Variants in PTPRD observed in about 807,000 individuals in gnomAD.
The protein encoded by PTPRD is receptor-type tyrosine-protein phosphatase delta.
In PTPRD, 34 loss-of-function variants were observed where a neutral mutation model predicts 214.5. The ratio of observed to expected loss-of-function variants is 0.16; its 90% CI spans 0.12 to 0.21. The LOEUF is 0.21. Among genes scored for constraint, PTPRD ranks in the 10% least tolerant of loss-of-function variants. PTPRD has a pLI of 1.00. For missense variants in PTPRD, 2,545 were observed against 2,398.7 expected, an observed-to-expected ratio of 1.06 and a Z score of -1.27; for synonymous variants, 1,128 against 845.7, an observed-to-expected ratio of 1.33 and a Z score of -5.79.
intron 2 of PTPRD, among the ~76,000 whole-genome samples, chr9:10,360,757 C>T (rs187571751): frequency 9.2e-5 from 14 of 152,240 alleles, no homozygotes; most frequent in Admixed American, 9.2e-4. Context: ...TCTTTGAAAA[C>T]ATTTACATTT....
Position 8,613,679 on chromosome 9 carries a change from C to T in PTPRD, c.352+19638G>A, listed in dbSNP as rs1464797880. On this transcript the variant is annotated intron_variant, in intron 14 of 45. Coordinates refer to ENST00000381196, the MANE Select transcript of PTPRD (RefSeq NM_002839.4). ...ATCATTCCAGAGTTCTTCCTGGGACCAATCCAAAAATCTGCCACTCGCTGA... is the reference window on the plus strand; with the variant it reads ...ATCATTCCAGAGTTCTTCCTGGGACTAATCCAAAAATCTGCCACTCGCTGA... Among the ~76,000 whole-genome samples the T allele has an allele frequency of 4.6e-5, 7 of 152,048 alleles. No homozygotes were observed. In the East Asian group the frequency reaches 1.4e-3, roughly 29 times the overall value.
rs1554649145 is a variant in PTPRD, at chr9:9,584,359, C to CTTATTATTATT, written c.-286-9579_-286-9578insAATAATAATAA. ...ACATTAAAACATTTTATTTCATCACCATTATTATTATTATTATTATTTGCT... is the reference window on the plus strand; with the variant it reads ...ACATTAAAACATTTTATTTCATCACCTTATTATTATTATTATTATTATTATTATTATTTGCT... On this transcript the variant is annotated intron_variant, in intron 7 of 45. Transcript: ENST00000381196. Among the ~76,000 whole-genome samples, 444 of 149,210 alleles carry CTTATTATTATT rather than the reference C, an allele frequency of 3.0e-3. 1 individual carries two copies. The highest frequency in any genetic ancestry group is 4.3e-3 in the Non-Finnish European group (292 of 67,374).
At chr9:9,375,329 T>C (rs1172963552) in intron 9 of PTPRD, among the ~76,000 whole-genome samples, 2 of 152,146 alleles carry the variant, frequency 1.3e-5, no homozygotes, top group East Asian at 1.9e-4. Flanking sequence ...CTGGGCGCAG[T>C]GGCTCATGCT....
At chr9:10,268,338 T>C (rs1257402246) in intron 3 of PTPRD, among the ~76,000 whole-genome samples, 3 of 150,640 alleles carry the variant, frequency 2.0e-5, no homozygotes, top group Non-Finnish European at 4.4e-5. Context: ...ATAATAATAG[T>C]GGTTATAACA....
intron 4 of PTPRD, among the ~76,000 whole-genome samples, chr9:10,027,962 A>G (rs2096961710): frequency 6.6e-6 from 1 of 152,094 alleles, no homozygotes; most frequent in South Asian, 2.1e-4. Context: ...AGTTTTTATT[A>G]TTCCTGTAAT....
At chr9:9,431,303 T>A (rs576399219) in intron 8 of PTPRD, among the ~76,000 whole-genome samples, 1 of 152,012 alleles carries the variant, frequency 6.6e-6, no homozygotes, top group South Asian at 2.1e-4. Context: ...ACATGAAAAA[T>A]TGCTCATCAT....
chr9:10,511,696 G>C (rs1210798121), intron 2 of PTPRD, among the ~76,000 whole-genome samples: 1 of 150,760 alleles, frequency 6.6e-6, no homozygotes, highest in Non-Finnish European at 1.5e-5. Context: ...TTACAGGTGG[G>C]AACCACCACA....
chr9:8,548,676 ATTTTTTTTTTTTTTT>A (rs71317369), intron 14 of PTPRD, among the ~76,000 whole-genome samples: 514 of 41,134 alleles, frequency 0.012, 9 homozygotes, highest in African/African-American at 0.034. Flanking sequence ...CTGGAGCTGG[ATTTTTTTTTTTTTTT>A]TTTTTTTTTT....
intron 11 of PTPRD, among the ~76,000 whole-genome samples, chr9:8,997,591 T>G (rs893179920): frequency 1.3e-5 from 2 of 152,070 alleles, no homozygotes; most frequent in Non-Finnish European, 2.9e-5. Context: ...TGCACCTCCC[T>G]GTTCGCTGAA....
intron 4 of PTPRD, among the ~76,000 whole-genome samples, chr9:9,960,519 G>A (rs1275843123): frequency 6.6e-6 from 1 of 152,100 alleles, no homozygotes; most frequent in Non-Finnish European, 1.5e-5. Flanking sequence ...TACTACCTCA[G>A]CGAGGTGATC....
chr9:8,719,933 C>T (rs374458735), intron 12 of PTPRD, among the ~76,000 whole-genome samples: 3 of 151,940 alleles, frequency 2.0e-5, no homozygotes, highest in Admixed American at 6.6e-5. Flanking sequence ...CCAGAGGAAA[C>T]TGCAGGTCTA....
At chr9:10,277,620 T>A (rs930958868) in intron 3 of PTPRD, among the ~76,000 whole-genome samples, 5 of 152,174 alleles carry the variant, frequency 3.3e-5, no homozygotes, top group African/African-American at 1.2e-4. Flanking sequence ...TATTCGAGGG[T>A]TAACTTTCCT....
At chr9:9,712,656 A>C (rs1297306493) in intron 7 of PTPRD, among the ~76,000 whole-genome samples, 1 of 152,170 alleles carries the variant, frequency 6.6e-6, no homozygotes, top group Non-Finnish European at 1.5e-5. Flanking sequence ...ATCCTTCAGA[A>C]ACTACAATGG....
chr9:9,088,325 C>T lies in PTPRD; in HGVS notation c.-142-69590G>A, dbSNP rs147074036. Among the ~76,000 whole-genome samples, 512 of 151,746 alleles carry T rather than the reference C, an allele frequency of 3.4e-3. 1 individual carries two copies. The highest frequency in any genetic ancestry group is 0.012 in the African/African-American group (483 of 41,468). On this transcript the variant is annotated intron_variant, in intron 10 of 45. Transcript: ENST00000381196. Reference sequence around the variant, plus strand: ...AATCTGGGCCGGGTGCGGTGGCTCACGCCTGTGGTCCCAGCACTTTGGGAG... The same window carrying T: ...AATCTGGGCCGGGTGCGGTGGCTCATGCCTGTGGTCCCAGCACTTTGGGAG...
intron 4 of PTPRD, among the ~76,000 whole-genome samples, chr9:9,938,993 A>G (rs1043760890): frequency 1.1e-4 from 16 of 147,010 alleles, no homozygotes; most frequent in African/African-American, 4.1e-4. Context: ...GATGTTGAAA[A>G]TAATTCATTT....
At chr9:9,078,062 G>C (rs1346533738) in intron 10 of PTPRD, among the ~76,000 whole-genome samples, 1 of 151,976 alleles carries the variant, frequency 6.6e-6, no homozygotes, top group Non-Finnish European at 1.5e-5. Flanking sequence ...ATTTTCAATG[G>C]CTTATGAGAT....
chr9:10,177,016 CAT>C (rs1168065287), intron 3 of PTPRD, among the ~76,000 whole-genome samples: 8 of 151,996 alleles, frequency 5.3e-5, no homozygotes, highest in South Asian at 2.1e-4. Flanking sequence ...GTAACCTACA[CAT>C]GTTACAACCA....
chr9:10,041,109 A>G (rs1589535355), intron 3 of PTPRD, among the ~76,000 whole-genome samples: 1 of 152,212 alleles, frequency 6.6e-6, no homozygotes, highest in African/African-American at 2.4e-5. Context: ...AAAGAAAAAT[A>G]TATTTAAACA....
chr9:9,255,885 G>A (rs1044675554), intron 9 of PTPRD, among the ~76,000 whole-genome samples: 4 of 152,010 alleles, frequency 2.6e-5, no homozygotes, highest in African/African-American at 9.7e-5. Flanking sequence ...AGGATTCAGA[G>A]AGAATGTTCA....
Sources: allele counts gnomAD v4.1 joint callset (sites outside exome capture counted in the v4.1 genomes callset), GRCh38; gene constraint gnomAD v4.1.1; transcripts MANE v1.5; gene names NCBI Gene and HGNC (gene_info 2026-07-23, HGNC 2026-07-21).